Variants in HSPA14 observed in about 807,000 individuals in gnomAD.
HSPA14 encodes heat shock protein family A (Hsp70) member 14, also known as heat shock 70 kDa protein 14.
In HSPA14, 37 loss-of-function variants were observed where a neutral mutation model predicts 65.5. The observed-to-expected ratio is 0.56, with a 90% CI of 0.43 to 0.74. HSPA14 has a LOEUF of 0.74. Ranked by LOEUF, HSPA14 falls within the 30% of genes least tolerant of loss-of-function variation. The pLI is 0.00. For synonymous variants in HSPA14, 203 were observed against 214.2 expected (o/e 0.95, Z 0.46); for missense variants, 564 against 607.6 (o/e 0.93, Z 0.75).
chr10:14,867,127 A>G lies in HSPA14; in HGVS notation c.1038A>G (p.Gln346=). The G allele has an allele frequency of 6.2e-7, 1 of 1,613,850 alleles. No homozygotes were observed. Among genetic ancestry groups the G allele is most frequent in the South Asian group, 1.1e-5 (1 of 91,072 alleles). The part of the protein sequence containing the change: ...GGSSRIPKLQ[Q]LIKDLFPAVE... ...CTTCTCGAATCCCAAAGCTACAGCAACTGATTAAAGATCTTTTCCCAGCTG... is the reference window on the plus strand; with the variant it reads ...CTTCTCGAATCCCAAAGCTACAGCAGCTGATTAAAGATCTTTTCCCAGCTG... The change falls in exon 11 of 14, where the codon CAA becomes CAG. Residue 346 remains glutamine (Q), a synonymous_variant. Coordinates refer to ENST00000378372, the MANE Select transcript of HSPA14 (RefSeq NM_016299.4).
At position 14,853,995 on chromosome 10, in the gene HSPA14, C is replaced by T. The variant is rs749164611; in HGVS notation, c.735-130C>T. 76 of 814,008 alleles carry T rather than the reference C, an allele frequency of 9.3e-5. 1 individual carries two copies. The highest frequency in any genetic ancestry group is 5.6e-4 in the South Asian group (26 of 46,148). 50.4% of individuals were successfully genotyped at this position (814,008 alleles called of 1,614,324 possible). On this transcript the variant is annotated intron_variant, in intron 8 of 13. Transcript: ENST00000378372. ...TCAGCCTCCCAAAGTTGGGATTACACGCGTGAGCCACCGCACCCGGCCTGA... is the reference window on the plus strand; with the variant it reads ...TCAGCCTCCCAAAGTTGGGATTACATGCGTGAGCCACCGCACCCGGCCTGA...
Position 14,842,534 on chromosome 10 carries a change from A to G in HSPA14, c.221+2377A>G. 2.0e-6 allele frequency: 3 copies of G among 1,536,158 alleles called. No individual in the cohort carries two copies. The highest frequency in any genetic ancestry group is 2.6e-6 in the Non-Finnish European group (3 of 1,146,926). ...GGCCTATGTTGCCCATGCCACAAGT[A>G]TGGGTGAGCCACCACACTGTCCATT... On this transcript the variant is annotated intron_variant, in intron 3 of 13. Transcript: ENST00000378372. The surrounding 1 kb of genome is among the most constrained non-coding windows in gnomAD (Gnocchi z 5.2).
intron 3 of HSPA14, chr10:14,844,974 A>T: frequency 1.0e-6 from 1 of 985,428 alleles, no homozygotes; most frequent in Non-Finnish European, 1.2e-6. Context: ...TGTAGACAGA[A>T]GTTTATGTAG....
At chr10:14,859,812 T>C (rs1429841126) in intron 10 of HSPA14, among the ~76,000 whole-genome samples, 1 of 152,228 alleles carries the variant, frequency 6.6e-6, no homozygotes, top group Non-Finnish European at 1.5e-5. Context: ...ACTTTCTGAG[T>C]AGATGTAAAC....
At chr10:14,846,863 T>C in intron 3 of HSPA14, 1 of 985,440 alleles carries the variant, frequency 1.0e-6, no homozygotes, top group Non-Finnish European at 1.2e-6. Flanking sequence ...ATAAAGGTTG[T>C]GATACACAAC....
Position 14,838,370 on chromosome 10 carries a change from C to A in HSPA14, c.-33C>A. 1.3e-6 allele frequency: 2 copies of A among 1,581,862 alleles called. No homozygotes were observed. Among genetic ancestry groups the A allele is most frequent in the South Asian group, 2.3e-5 (2 of 86,972 alleles). ...GGTAGCTGTTGCTGTTGGGGGACCC[C>A]CTCATTCCTGCCGCTGCCGTCCCTG... On this transcript the variant is annotated 5_prime_UTR_variant, in exon 1 of 14. Coordinates refer to ENST00000378372, the MANE Select transcript of HSPA14 (RefSeq NM_016299.4).
At chr10:14,849,150 A>T (rs947898874) in intron 5 of HSPA14, among the ~76,000 whole-genome samples, 7 of 152,214 alleles carry the variant, frequency 4.6e-5, no homozygotes, top group Non-Finnish European at 7.3e-5. Flanking sequence ...TTCCAAACAT[A>T]GTTAGTGGCC....
chr10:14,846,836 A>G, intron 3 of HSPA14: 1 of 985,418 alleles, frequency 1.0e-6, no homozygotes, highest in Non-Finnish European at 1.2e-6. Flanking sequence ...GAGGAGGAAG[A>G]GAAGATGGCA....
chr10:14,854,964 G>A (rs1395232484), intron 9 of HSPA14, among the ~76,000 whole-genome samples: 3 of 152,206 alleles, frequency 2.0e-5, no homozygotes, highest in Admixed American at 2.0e-4. Flanking sequence ...CCAGATCTTT[G>A]AAGAAAGAGT....
At position 14,846,223 on chromosome 10, in the gene HSPA14, ATAGG is replaced by A. The variant is rs144846967; in HGVS notation, c.222-2366_222-2363del. On this transcript the variant is annotated intron_variant, in intron 3 of 13. Coordinates refer to ENST00000378372, the MANE Select transcript of HSPA14 (RefSeq NM_016299.4). ...TTATATGGAAAGATATGTGTCAATT[ATAGG>A]TAGGTAGGTAGGTAGGTAGATTTTC... The A allele has an allele frequency of 4.0e-3, 3,919 of 985,138 alleles. 13 individuals are homozygous for A. Among genetic ancestry groups the A allele is most frequent in the Non-Finnish European group, 4.5e-3 (3,719 of 829,706 alleles). 61.0% of individuals were successfully genotyped at this position (985,138 alleles called of 1,614,324 possible). A position where few individuals can be genotyped will look rare whatever the true frequency, so the allele number is the denominator to read the frequency against.
At chr10:14,856,565 T>C (rs561899633) in intron 10 of HSPA14, among the ~76,000 whole-genome samples, 4 of 152,340 alleles carry the variant, frequency 2.6e-5, no homozygotes, top group African/African-American at 9.6e-5. Flanking sequence ...ATACTCTTTT[T>C]ATACATTTAA....
rs3830599 is a variant in HSPA14, at chr10:14,840,061, ATT to A, written c.139-5_139-4del. 43 of 1,160,150 alleles carry A rather than the reference ATT, an allele frequency of 3.7e-5. No individual in the cohort carries two copies. The highest frequency in any genetic ancestry group is 2.2e-4 in the South Asian group (10 of 46,148). The allele number at this position is 1,160,150 out of a possible 1,614,324, so 71.9% of individuals were successfully genotyped here. On this transcript the variant is annotated splice_polypyrimidine_tract_variant and intron_variant, in intron 2 of 13. Transcript: ENST00000378372. ...ATTGTAATATATATATATATATATT[ATT>A]TTTTTTTTCAGATTGTTGGATTGGC...
chr10:14,871,033 TA>T (rs1832850136), intron 13 of HSPA14, among the ~76,000 whole-genome samples: 1 of 152,290 alleles, frequency 6.6e-6, no homozygotes, highest in South Asian at 2.1e-4. Flanking sequence ...AGAAAATCTG[TA>T]AGAAAAAAAT....
intron 10 of HSPA14, among the ~76,000 whole-genome samples, chr10:14,862,098 C>T (rs1258802151): frequency 2.0e-5 from 3 of 150,012 alleles, no homozygotes; most frequent in Admixed American, 2.0e-4. Flanking sequence ...ACGATCTCGG[C>T]TCACTGTAAG....
intron 8 of HSPA14, 44 bp downstream of exon 8, chr10:14,852,575 C>T: frequency 1.4e-6 from 2 of 1,411,792 alleles, no homozygotes; most frequent in Non-Finnish European, 9.5e-7. Flanking sequence ...TTGAGGTTTT[C>T]CTTCACATAT....
intron 3 of HSPA14, chr10:14,844,570 GT>G (rs758748864): frequency 2.0e-6 from 2 of 985,358 alleles, no homozygotes; most frequent in Non-Finnish European, 2.4e-6. Context: ...AGTAAGCACT[GT>G]TTTGTCAAAC....
At chr10:14,857,431 TGA>T (rs1281027920) in intron 10 of HSPA14, among the ~76,000 whole-genome samples, 7 of 152,252 alleles carry the variant, frequency 4.6e-5, no homozygotes, top group African/African-American at 1.7e-4. Context: ...TTGTCGACAC[TGA>T]GTTATAGCAT....
chr10:14,847,351 A>G (rs1220118391), intron 3 of HSPA14, among the ~76,000 whole-genome samples: 2 of 152,234 alleles, frequency 1.3e-5, no homozygotes, highest in African/African-American at 2.4e-5. Flanking sequence ...AAAACCCGCT[A>G]TGAGCACACT....
intron 10 of HSPA14, among the ~76,000 whole-genome samples, chr10:14,857,863 CAA>C (rs958812316): frequency 6.6e-6 from 1 of 150,962 alleles, no homozygotes; most frequent in African/African-American, 2.4e-5. Flanking sequence ...TATGTTGTGA[CAA>C]ATTTTTTTTG....
Sources: allele counts gnomAD v4.1 joint callset (sites outside exome capture counted in the v4.1 genomes callset), GRCh38; gene constraint gnomAD v4.1.1; non-coding constraint Gnocchi (gnomAD v3.1); transcripts MANE v1.5; gene names NCBI Gene and HGNC (gene_info 2026-07-23, HGNC 2026-07-21).